Variants in NALF1 observed in about 807,000 individuals in gnomAD.
The protein encoded by NALF1 is NALCN channel auxiliary factor 1.
In NALF1, 3 loss-of-function variants were observed where a neutral mutation model predicts 48.4. The ratio of observed to expected loss-of-function variants is 0.06; its 90% CI spans 0.03 to 0.16. NALF1 has a LOEUF of 0.16. Ranked by LOEUF, NALF1 falls within the 10% of genes least tolerant of loss-of-function variation. NALF1 has a pLI of 1.00. For synonymous variants in NALF1, 262 were observed against 245.7 expected (o/e 1.07, Z -0.62); for missense variants, 526 against 571.5 (o/e 0.92, Z 0.81).
chr13:107,219,524 T>C (rs1274381985), intron 1 of NALF1, among the ~76,000 whole-genome samples: 1 of 152,148 alleles, frequency 6.6e-6, no homozygotes. Context: ...TCTAAGGATA[T>C]AAAGGGATAA....
intron 1 of NALF1, among the ~76,000 whole-genome samples, chr13:107,219,044 T>C (rs1490879392): frequency 6.6e-6 from 1 of 152,164 alleles, no homozygotes; most frequent in Non-Finnish European, 1.5e-5. Context: ...AGATCTCTTT[T>C]AACAAGCTGC....
rs1192484209 is a variant in NALF1, at chr13:107,536,053, T to A, written c.916-325298A>T. On this transcript the variant is annotated intron_variant, in intron 1 of 2. Transcript: ENST00000375915. ...AGAAAGCTGAAACTGGATCCCTACC[T>A]TACACCTTATACAAAAATGAATTCA... is the stretch of plus-strand genomic sequence containing the variant. Among the ~76,000 whole-genome samples the A allele has an allele frequency of 2.6e-5, 4 of 152,274 alleles. No homozygotes were observed. The East Asian group carries it at 7.7e-4, about 29-fold the overall frequency.
chr13:107,508,019 A>G (rs571039514), intron 1 of NALF1, among the ~76,000 whole-genome samples: 1 of 152,192 alleles, frequency 6.6e-6, no homozygotes, highest in South Asian at 2.1e-4. Context: ...AGAAAAAAAT[A>G]GTAATAAGCT....
At chr13:107,812,770 TTTG>T (rs150295289) in intron 1 of NALF1, among the ~76,000 whole-genome samples, 13,353 of 152,076 alleles carry the variant, frequency 0.088, 680 homozygotes, top group Middle Eastern at 0.21. Context: ...TGAGAGGGTT[TTTG>T]TTGTTGTTTT....
chr13:107,780,393 T>C (rs1594261349), intron 1 of NALF1, among the ~76,000 whole-genome samples: 1 of 152,212 alleles, frequency 6.6e-6, no homozygotes, highest in African/African-American at 2.4e-5. Context: ...GTCCTGTCTT[T>C]GCTCAATTTT....
Position 107,866,279 on chromosome 13 carries a change from G to C in NALF1, c.318C>G (p.Leu106=), listed in dbSNP as rs759597506. The stretch of plus-strand genomic sequence containing the variant: ...GCGAGGACTCCCCCATGCTCGCCAG[G>C]AGCGCGGGCCAGGAGGGCTCCTGCT... ...RRQQEPSWPA[L]LASMGESSPA... The change falls in exon 1 of 3, where the codon CTC becomes CTG. Residue 106 remains leucine, a synonymous_variant. Coordinates refer to ENST00000375915, the MANE Select transcript of NALF1 (RefSeq NM_001080396.3). This position sits in a 1 kb window ranked among gnomAD's most constrained non-coding sequence, Gnocchi z 4.4. 1.9e-6 allele frequency: 3 copies of C among 1,600,500 alleles called. No homozygotes were observed. Among genetic ancestry groups the C allele is most frequent in the Non-Finnish European group, 2.6e-6 (3 of 1,175,594 alleles).
chr13:107,603,205 T>C (rs528907354), intron 1 of NALF1, among the ~76,000 whole-genome samples: 3 of 152,308 alleles, frequency 2.0e-5, no homozygotes, highest in South Asian at 2.1e-4. Context: ...TGAAATGTTA[T>C]TGCAAAAAAA....
At chr13:107,703,443 T>A (rs1325183056) in intron 1 of NALF1, among the ~76,000 whole-genome samples, 1 of 150,318 alleles carries the variant, frequency 6.7e-6, no homozygotes, top group Admixed American at 6.7e-5. Flanking sequence ...CCTCCCAGGT[T>A]CATGCGATTC....
chr13:107,394,697 C>G (rs893480927), intron 1 of NALF1, among the ~76,000 whole-genome samples: 1 of 152,066 alleles, frequency 6.6e-6, no homozygotes, highest in East Asian at 1.9e-4. Context: ...TTTTCTCATA[C>G]AAATGCCTAC....
At chr13:107,320,143 T>A (rs930032636) in intron 1 of NALF1, among the ~76,000 whole-genome samples, 5 of 152,080 alleles carry the variant, frequency 3.3e-5, no homozygotes, top group Non-Finnish European at 5.9e-5. Context: ...ATGACATATA[T>A]ACACTTCTCT....
chr13:107,471,146 C>A (rs1885093733), intron 1 of NALF1, among the ~76,000 whole-genome samples: 1 of 151,534 alleles, frequency 6.6e-6, no homozygotes, highest in African/African-American at 2.4e-5. Context: ...CATCTCTAGA[C>A]TGTATAACTT....
At chr13:107,176,212 G>A (rs61967560) in intron 2 of NALF1, among the ~76,000 whole-genome samples, 6,351 of 152,024 alleles carry the variant, frequency 0.042, 169 homozygotes, top group Non-Finnish European at 0.059. Flanking sequence ...CAAATTTTCC[G>A]GGTAGTGAAA....
chr13:107,820,925 A>G (rs1418434538), intron 1 of NALF1, among the ~76,000 whole-genome samples: 1 of 152,180 alleles, frequency 6.6e-6, no homozygotes, highest in Non-Finnish European at 1.5e-5. Flanking sequence ...CACTACCTGC[A>G]TTCTCATATA....
chr13:107,730,076 C>G (rs16971002), intron 1 of NALF1, among the ~76,000 whole-genome samples: 1 of 152,080 alleles, frequency 6.6e-6, no homozygotes, highest in Non-Finnish European at 1.5e-5. Context: ...AAGTCTGCTA[C>G]GAAATTTGCT....
chr13:107,494,282 AG>A (rs1875249338), intron 1 of NALF1, among the ~76,000 whole-genome samples: 1 of 152,326 alleles, frequency 6.6e-6, no homozygotes, highest in Admixed American at 6.5e-5. Context: ...TAACACCAAA[AG>A]GCAGGTAGAC....
At chr13:107,526,289 C>T (rs530419944) in intron 1 of NALF1, among the ~76,000 whole-genome samples, 2 of 152,216 alleles carry the variant, frequency 1.3e-5, no homozygotes, top group Admixed American at 1.3e-4. Flanking sequence ...TACCACAGTG[C>T]CTCTGAACTC....
At chr13:107,313,489 A>T (rs532782535) in intron 1 of NALF1, among the ~76,000 whole-genome samples, 1 of 152,294 alleles carries the variant, frequency 6.6e-6, no homozygotes, top group East Asian at 1.9e-4. Context: ...TTTGTCCACA[A>T]GAAAATTCCT....
At chr13:107,308,394 G>C (rs1000694010) in intron 1 of NALF1, among the ~76,000 whole-genome samples, 2 of 151,780 alleles carry the variant, frequency 1.3e-5, no homozygotes, top group Admixed American at 6.6e-5. Context: ...AGTAGAGACG[G>C]GGTTTCACCA....
At chr13:107,342,630 C>G (rs181918423) in intron 1 of NALF1, among the ~76,000 whole-genome samples, 2 of 152,114 alleles carry the variant, frequency 1.3e-5, no homozygotes, top group African/African-American at 4.8e-5. Context: ...TGGAGAGATA[C>G]AAACGAGTAG....
Sources: gnomAD v4.1 joint callset for allele counts (sites outside exome capture counted in the v4.1 genomes callset) on GRCh38, gnomAD v4.1.1 for gene constraint, Gnocchi (gnomAD v3.1) non-coding constraint, MANE v1.5 for transcripts, NCBI Gene and HGNC (gene_info 2026-07-23, HGNC 2026-07-21) for gene names.